Variants in MYO9A observed in about 807,000 individuals in gnomAD.
MYO9A encodes unconventional myosin-IXa.
In MYO9A, 103 loss-of-function variants were observed where a neutral mutation model predicts 293.3. The observed-to-expected ratio is 0.35, with a 90% confidence interval of 0.30 to 0.41. The LOEUF (loss-of-function observed/expected upper bound fraction) is 0.41. Ranked by LOEUF, MYO9A falls within the 10% of genes least tolerant of loss-of-function variation. The probability of loss-of-function intolerance (pLI) is 1.00; values close to 1 mark genes in which losing one functional copy is unlikely to be tolerated. For missense variants in MYO9A, 2,685 were observed against 3,033.0 expected, an observed-to-expected ratio of 0.89 and a Z score of 2.69; for synonymous variants, 1,001 against 1,035.7, an observed-to-expected ratio of 0.97 and a Z score of 0.64.
intron 11 of MYO9A, among the ~76,000 whole-genome samples, chr15:71,989,951 C>T (rs550094172): frequency 1.3e-5 from 2 of 152,082 alleles, no homozygotes; most frequent in South Asian, 4.2e-4. Context: ...ACTCCTTAAG[C>T]CCCAGAGGTC....
chr15:72,015,174 T>C (rs543231210), intron 6 of MYO9A, among the ~76,000 whole-genome samples: 3 of 152,020 alleles, frequency 2.0e-5, no homozygotes, highest in East Asian at 3.9e-4. Flanking sequence ...CAGAAAAATA[T>C]ATGCAGAGAA....
intron 1 of MYO9A, among the ~76,000 whole-genome samples, chr15:72,102,916 A>ATT (rs1171483650): frequency 6.6e-6 from 1 of 151,964 alleles, no homozygotes; most frequent in African/African-American, 2.4e-5. Context: ...ATATGACATA[A>ATT]TTATATATAT....
Position 72,010,352 on chromosome 15 carries a change from T to C in MYO9A, c.1251A>G (p.Arg417=), listed in dbSNP as rs982373819. 11 of 1,612,498 alleles carry C rather than the reference T, an allele frequency of 6.8e-6. No homozygotes were observed. The highest frequency in any genetic ancestry group is 1.3e-5 in the African/African-American group (1 of 74,926). The change falls in exon 7 of 42, where the codon AGA becomes AGG. Residue 417 remains arginine, a splice_region_variant and synonymous_variant. Transcript: ENST00000356056. ...EMVGFLPKTR[R]QIFSLLSAIL... ...AAAAATACAACAAGTAAACTCACTGTCTTCGTGTCTTGGGAAGAAATCCTA... is the reference window on the plus strand; with the variant it reads ...AAAAATACAACAAGTAAACTCACTGCCTTCGTGTCTTGGGAAGAAATCCTA...
intron 9 of MYO9A, among the ~76,000 whole-genome samples, chr15:71,996,795 C>T (rs1232767529): frequency 1.3e-5 from 2 of 151,978 alleles, no homozygotes; most frequent in African/African-American, 4.8e-5. Context: ...TCTCTACATC[C>T]ACTCCTGCCT....
chr15:71,933,587 T>G (rs927672872), intron 18 of MYO9A, 83 bp downstream of exon 18: 2 of 1,262,770 alleles, frequency 1.6e-6, no homozygotes, highest in African/African-American at 3.0e-5. Context: ...TTTCTTGTTT[T>G]TTGATGTATG....
intron 8 of MYO9A, among the ~76,000 whole-genome samples, chr15:72,007,580 G>C (rs1024294424): frequency 6.6e-6 from 1 of 152,096 alleles, no homozygotes; most frequent in Admixed American, 6.6e-5. Context: ...TAGGGACTAT[G>C]GATGTCTGGA....
chr15:71,906,758 C>CTTTCTTT lies in MYO9A; in HGVS notation c.2686-1753_2686-1752insAAAGAAA, dbSNP rs765264146. On this transcript the variant is annotated intron_variant, in intron 19 of 41. Coordinates refer to ENST00000356056, the MANE Select transcript of MYO9A (RefSeq NM_006901.4). ...CCAATCAGATAATATCCATTTCTTT[C>CTTTCTTT]TTTTTTTTTTTTTTTTTTTTCCTGA... Among the ~76,000 whole-genome samples the CTTTCTTT allele has an allele frequency of 5.7e-4, 35 of 61,024 alleles. 1 individual carries two copies. Among genetic ancestry groups the CTTTCTTT allele is most frequent in the Non-Finnish European group, 7.8e-4 (25 of 32,026 alleles). 40.0% of individuals were successfully genotyped at this position (61,024 alleles called of 152,430 possible). A position where few individuals can be genotyped will look rare whatever the true frequency, so the allele number is the denominator to read the frequency against.
chr15:71,883,579 T>A lies in MYO9A; in HGVS notation c.5398+15A>T. 1 of 1,602,502 alleles carries A rather than the reference T, an allele frequency of 6.2e-7. No individual in the cohort carries two copies. Among genetic ancestry groups the A allele is most frequent in the Non-Finnish European group, 8.5e-7 (1 of 1,176,550 alleles). On this transcript the variant is annotated intron_variant, in intron 28 of 41. Coordinates refer to ENST00000356056, the MANE Select transcript of MYO9A (RefSeq NM_006901.4). ...GAAATTATGAACACAAGTTCCACCC[T>A]TTGGTCACTTTTACCATCTGGAAAC...
intron 1 of MYO9A, among the ~76,000 whole-genome samples, chr15:72,069,474 GAATA>G (rs1316748411): frequency 1.3e-5 from 2 of 151,894 alleles, no homozygotes; most frequent in African/African-American, 2.4e-5. Flanking sequence ...AATGTTTGTT[GAATA>G]AATATGTGAA....
chr15:71,868,953 C>G (rs1463984267), intron 32 of MYO9A, among the ~76,000 whole-genome samples: 1 of 152,116 alleles, frequency 6.6e-6, no homozygotes, highest in Admixed American at 6.5e-5. Flanking sequence ...TAGTTTGATG[C>G]TCTAATTATC....
At chr15:71,949,630 T>C (rs954518632) in intron 15 of MYO9A, among the ~76,000 whole-genome samples, 21 of 152,084 alleles carry the variant, frequency 1.4e-4, no homozygotes, top group Middle Eastern at 3.4e-3. Flanking sequence ...GTTATGTCTT[T>C]CAAGGATTAT....
In MYO9A at chr15:71,879,767, T is replaced by C. The variant is rs2056816738; in HGVS notation, c.5693A>G (p.Lys1898Arg). 2.5e-6 allele frequency: 4 copies of C among 1,613,832 alleles called. No individual in the cohort carries two copies. The highest frequency in any genetic ancestry group is 1.1e-5 in the South Asian group (1 of 91,078). Residue 1898 changes from lysine (K) to arginine (R), a missense_variant, in exon 30 of 42, where the codon AAG becomes AGG. Physicochemically the swap from Lys to Arg is conservative, Grantham distance 26 (BLOSUM62 2). This residue lies in a region of MYO9A where 1,434 missense variants were observed against 1,497.7 expected (regional missense o/e 0.96). Coordinates refer to ENST00000356056, the MANE Select transcript of MYO9A (RefSeq NM_006901.4). ...GCTGAAGATATTCTGCCGAAATTCCTTCAGGGCTTTTTTAAATACAACATC... is the reference window on the plus strand; with the variant it reads ...GCTGAAGATATTCTGCCGAAATTCCCTCAGGGCTTTTTTAAATACAACATC... ...LVDVVFKKALKEFRQNIFSFY... is the reference protein window; with the variant it reads ...LVDVVFKKALREFRQNIFSFY...
rs1346739182 is a variant in MYO9A at position 72,069,462 on chromosome 15, A to G, written c.-71-22828T>C. ...ATAAATAATAAAATAATAAAAATTCAAAATGTTTGTTGAATAAATATGTGA... is the reference window on the plus strand; with the variant it reads ...ATAAATAATAAAATAATAAAAATTCGAAATGTTTGTTGAATAAATATGTGA... On this transcript the variant is annotated intron_variant, in intron 1 of 41. Coordinates refer to ENST00000356056, the MANE Select transcript of MYO9A (RefSeq NM_006901.4). Among the ~76,000 whole-genome samples the G allele has an allele frequency of 6.6e-5, 10 of 152,116 alleles. 1 individual carries two copies. Among genetic ancestry groups the G allele is most frequent in the Admixed American group, 6.5e-4 (10 of 15,282 alleles).
chr15:72,063,313 A>C (rs2078927288), intron 1 of MYO9A, among the ~76,000 whole-genome samples: 1 of 152,224 alleles, frequency 6.6e-6, no homozygotes, highest in African/African-American at 2.4e-5. Flanking sequence ...AAAACATTGG[A>C]GATCTCTCTA....
At chr15:71,994,246 T>C (rs1451902626) in intron 10 of MYO9A, among the ~76,000 whole-genome samples, 1 of 152,164 alleles carries the variant, frequency 6.6e-6, no homozygotes, top group Non-Finnish European at 1.5e-5. Flanking sequence ...TTACATTTTT[T>C]AAAGCAACTC....
At chr15:71,875,972 G>C in intron 31 of MYO9A, 134 bp from the exon 32 acceptor site, 1 of 447,900 alleles carries the variant, frequency 2.2e-6, no homozygotes, top group African/African-American at 2.0e-5. Flanking sequence ...AAGAGGAACT[G>C]TGCAGTGCTA....
chr15:72,070,465 A>G (rs539831442), intron 1 of MYO9A, among the ~76,000 whole-genome samples: 7 of 152,168 alleles, frequency 4.6e-5, no homozygotes, highest in African/African-American at 1.7e-4. Context: ...AAAAAAAAAA[A>G]AAAGAATGAG....
intron 32 of MYO9A, among the ~76,000 whole-genome samples, chr15:71,874,895 C>T (rs2056634448): frequency 6.6e-6 from 1 of 152,292 alleles, no homozygotes; most frequent in South Asian, 2.1e-4. Context: ...AACCACTACT[C>T]ACTTGTCAAG....
At chr15:71,935,989 A>G (rs1233836843) in intron 16 of MYO9A, among the ~76,000 whole-genome samples, 3 of 152,088 alleles carry the variant, frequency 2.0e-5, no homozygotes, top group African/African-American at 4.8e-5. Context: ...TTGCAGATAT[A>G]GCAATGAACA....
Sources: gnomAD v4.1 joint callset for allele counts (sites outside exome capture counted in the v4.1 genomes callset) on GRCh38, gnomAD v4.1.1 for gene constraint, gnomAD v4.1.1 regional missense constraint, MANE v1.5 for transcripts, NCBI Gene and HGNC (gene_info 2026-07-23, HGNC 2026-07-21) for gene names.